ZP2: variants seen among roughly 807,000 people sequenced by gnomAD.
The protein encoded by ZP2 is zona pellucida glycoprotein 2.
Under a neutral mutation model 84.0 loss-of-function variants are expected in ZP2, and 51 were observed. The ratio of observed to expected loss-of-function variants is 0.61; its 90% confidence interval spans 0.49 to 0.77. The LOEUF is 0.77. ZP2 is among the 30% of genes least tolerant of loss of function. The probability of loss-of-function intolerance (pLI) is 0.00; values close to 1 mark genes in which losing one functional copy is unlikely to be tolerated. For synonymous variants in ZP2, 375 were observed against 330.9 expected (o/e 1.13, Z -1.45); for missense variants, 909 against 911.9 (o/e 1.00, Z 0.04).
upstream of ZP2, among the ~76,000 whole-genome samples, chr16:21,212,154 C>T (rs2093278053): frequency 6.6e-6 from 1 of 151,850 alleles, no homozygotes; most frequent in African/African-American, 2.4e-5. Context: ...TCTCGAACTC[C>T]TGACCTAGGT....
At chr16:21,197,920 G>T (rs569965963) in intron 17 of ZP2, 71 bp from the exon 18 acceptor site, 57 of 1,450,706 alleles carry the variant, frequency 3.9e-5, no homozygotes, top group East Asian at 3.6e-4. Context: ...CCCTGAGGGT[G>T]TGATCCCACA....
chr16:21,205,991 G>T (rs1311506653), intron 5 of ZP2: 1 of 577,596 alleles, frequency 1.7e-6, no homozygotes, highest in South Asian at 2.0e-5. Flanking sequence ...CTTTCCAGTT[G>T]TAAGTTGGGA....
At position 21,205,438 on chromosome 16, in the gene ZP2, A is replaced by C; in HGVS notation, c.675T>G (p.Thr225=). 3 of 1,614,136 alleles carry C rather than the reference A, an allele frequency of 1.9e-6. No homozygotes were observed. Among genetic ancestry groups the C allele is most frequent in the Non-Finnish European group, 2.5e-6 (3 of 1,180,022 alleles). Residue 225 remains threonine (T), a synonymous_variant, in exon 7 of 19, where the codon ACT becomes ACG. Transcript: ENST00000574091. ...RMTFHVPFNA[T]GVTHYVQGNS... is the part of the protein sequence containing the mutation. ...CACCTACCACATAGTGAGTCACTCC[A>C]GTGGCATTGAATGGCACATGGAAGG... is the stretch of plus-strand genomic sequence containing the variant.
Position 21,201,827 on chromosome 16 carries a change from C to T in ZP2, c.1383G>A (p.Met461Ile). 1 of 1,614,088 alleles carries T rather than the reference C, an allele frequency of 6.2e-7. No homozygotes were observed. The highest frequency in any genetic ancestry group is 1.3e-5 in the African/African-American group (1 of 75,030). Residue 461 changes from methionine to isoleucine, a missense_variant, in exon 13 of 19, where the codon ATG (methionine) becomes ATA (isoleucine). Transcript: ENST00000574091. ...TCCTGCTATAAGAACACTTCACTGT[C>T]ATTCTGTAAGAGTTTGGAGGGAAGG... is the stretch of plus-strand genomic sequence containing the variant. ...SKISRDSEFR[M>I]TVKCSYSRND...
At chr16:21,211,818 AC>A, upstream of ZP2, 2 of 1,379,026 alleles carry the variant, frequency 1.5e-6, no homozygotes, top group Non-Finnish European at 1.9e-6. Context: ...TTTCCCTATA[AC>A]TATGGGGGAA....
At chr16:21,209,840 C>T (rs1036530248) in intron 3 of ZP2, 115 bp from the exon 4 acceptor site, 20 of 904,088 alleles carry the variant, frequency 2.2e-5, no homozygotes, top group South Asian at 1.2e-4. Context: ...CCTTCACTTC[C>T]GCCCCAACTC....
At position 21,209,616 on chromosome 16, in the gene ZP2, A is replaced by C. The variant is rs2093265284; in HGVS notation, c.330+15T>G. ...CTACGTACTTCCCCAAGAACTGCTC[A>C]AAGCAATGACTTACCACTCTCCTGG... On this transcript the variant is annotated intron_variant, in intron 4 of 18. Coordinates refer to ENST00000574091, the MANE Select transcript of ZP2 (RefSeq NM_001376232.1). 6.2e-7 allele frequency: 1 copy of C among 1,613,082 alleles called. No homozygotes were observed. Among genetic ancestry groups the C allele is most frequent in the African/African-American group, 1.3e-5 (1 of 74,920 alleles).
At chr16:21,200,082 C>A (rs1421767985) in intron 14 of ZP2, among the ~76,000 whole-genome samples, 1 of 152,182 alleles carries the variant, frequency 6.6e-6, no homozygotes, top group African/African-American at 2.4e-5. Flanking sequence ...TATATTTTAA[C>A]TATTTTAGCA....
intron 17 of ZP2, among the ~76,000 whole-genome samples, chr16:21,198,247 T>C (rs2093208712): frequency 6.6e-6 from 1 of 151,954 alleles, no homozygotes; most frequent in Non-Finnish European, 1.5e-5. Flanking sequence ...ATAATAAAAT[T>C]AGCTGGGCAC....
At chr16:21,210,355 A>G (rs1344455872) in intron 2 of ZP2, among the ~76,000 whole-genome samples, 163 bp from the exon 3 acceptor site, 3 of 152,122 alleles carry the variant, frequency 2.0e-5, no homozygotes, top group Admixed American at 2.0e-4. Flanking sequence ...ACAACAATAC[A>G]ATATGCCAAG....
chr16:21,208,598 C>T (rs533780818), intron 4 of ZP2, among the ~76,000 whole-genome samples: 2 of 152,220 alleles, frequency 1.3e-5, no homozygotes, highest in Admixed American at 6.5e-5. Context: ...TCTGCTTAGA[C>T]AGGTTGCTTT....
chr16:21,210,219 G>T (rs374037913), intron 2 of ZP2, 27 bp from the exon 3 acceptor site: 8 of 1,588,214 alleles, frequency 5.0e-6, no homozygotes, highest in African/African-American at 1.3e-5. Flanking sequence ...GCATTTGGGG[G>T]CTTTGAGTCA....
At chr16:21,211,822 T>C (rs1023280786), upstream of ZP2, 5 of 1,376,708 alleles carry the variant, frequency 3.6e-6, no homozygotes, top group African/African-American at 5.8e-5. Context: ...CCTATAACTA[T>C]GGGGGAAATT....
At position 21,202,232 on chromosome 16, in the gene ZP2, T is replaced by A; in HGVS notation, c.1159A>T (p.Thr387Ser). The A allele has an allele frequency of 6.4e-7, 1 of 1,572,884 alleles. No homozygotes were observed. Among genetic ancestry groups the A allele is most frequent in the Non-Finnish European group, 8.6e-7 (1 of 1,166,588 alleles). Residue 387 changes from threonine (T) to serine (S), a missense_variant, in exon 11 of 19, where the codon ACA becomes TCA. Coordinates refer to ENST00000574091, the MANE Select transcript of ZP2 (RefSeq NM_001376232.1). ...FMDVEVYSYQ[T>S]QPALDLGTLR... ...GTACCCAGGTCAAGAGCTGGTTGTGTTTGGTAGCTGTAGACCTCGACGTCC... is the reference window on the plus strand; with the variant it reads ...GTACCCAGGTCAAGAGCTGGTTGTGATTGGTAGCTGTAGACCTCGACGTCC...
At chr16:21,209,518 T>C in intron 4 of ZP2, 113 bp downstream of exon 4, 1 of 867,290 alleles carries the variant, frequency 1.2e-6, no homozygotes, top group Non-Finnish European at 1.8e-6. Flanking sequence ...CACCACCCCC[T>C]TGGTTGAGAG....
At chr16:21,211,158 G>A (rs1232839013) in intron 2 of ZP2, 149 bp downstream of exon 2, 3 of 700,338 alleles carry the variant, frequency 4.3e-6, no homozygotes, top group Non-Finnish European at 7.4e-6. Flanking sequence ...CTACAGGTTA[G>A]CAGAAGAAAG....
chr16:21,211,463 C>G lies in ZP2; in HGVS notation c.62+23G>C, dbSNP rs1389376099. 2.5e-6 allele frequency: 4 copies of G among 1,613,930 alleles called. No individual in the cohort carries two copies. The African/African-American group carries it at 4.0e-5, about 16-fold the overall frequency. ...ACAAACAAAGCTACCATACCCCCTCCCTCCACTTCCAGAATTACTCACCTC... is the reference window on the plus strand; with the variant it reads ...ACAAACAAAGCTACCATACCCCCTCGCTCCACTTCCAGAATTACTCACCTC... On this transcript the variant is annotated intron_variant, in intron 1 of 18. Transcript: ENST00000574091.
chr16:21,205,518 G>A lies in ZP2; in HGVS notation c.595C>T (p.Leu199=), dbSNP rs2093245468. The A allele has an allele frequency of 1.7e-5, 27 of 1,613,928 alleles. No homozygotes were observed. The highest frequency in any genetic ancestry group is 2.2e-5 in the East Asian group (1 of 44,874). ...GDGARAKTLT[L]PEAMKEGFSL... Reference sequence around the variant, plus strand: ...AAGCCTTCCTTCATGGCCTCTGGCAGGGTCAGAGTTTTGGCTCTTGCACCA... The same window carrying A: ...AAGCCTTCCTTCATGGCCTCTGGCAAGGTCAGAGTTTTGGCTCTTGCACCA... Residue 199 remains leucine, a synonymous_variant, in exon 7 of 19, where the codon CTG becomes TTG. Transcript: ENST00000574091.
At chr16:21,206,798 A>C (rs1302013334) in intron 5 of ZP2, 40 bp downstream of exon 5, 1 of 1,612,684 alleles carries the variant, frequency 6.2e-7, no homozygotes, top group African/African-American at 1.3e-5. Context: ...TTCCCCCTGC[A>C]GTAGCCATAT....
Sources: gnomAD v4.1 joint callset for allele counts (sites outside exome capture counted in the v4.1 genomes callset) on GRCh38, gnomAD v4.1.1 for gene constraint, MANE v1.5 for transcripts, NCBI Gene and HGNC (gene_info 2026-07-23, HGNC 2026-07-21) for gene names.